ZFP90: variants seen among roughly 807,000 people sequenced by gnomAD.
ZFP90 encodes the protein ZFP90 zinc finger protein.
Under a neutral mutation model 60.8 loss-of-function variants are expected in ZFP90, and 38 were observed. The observed-to-expected ratio is 0.62, with a 90% CI of 0.48 to 0.82. The LOEUF is 0.82. Ranked by LOEUF, ZFP90 falls within the 40% of genes least tolerant of loss-of-function variation. The probability of loss-of-function intolerance (pLI) is 0.00; values close to 1 mark genes in which losing one functional copy is unlikely to be tolerated. For synonymous variants in ZFP90, 287 were observed against 264.8 expected, an observed-to-expected ratio of 1.08 and a Z score of -0.82; for missense variants, 711 against 759.1, an observed-to-expected ratio of 0.94 and a Z score of 0.74.
At chr16:68,575,644 T>G (rs111927699) in intron 2 of ZFP90, 5,888 of 383,568 alleles carry the variant, frequency 0.015, 262 homozygotes, top group African/African-American at 0.1. Context: ...TAGATGAAGG[T>G]TAGTGATCAA....
intron 2 of ZFP90, among the ~76,000 whole-genome samples, chr16:68,547,019 G>A (rs997688880): frequency 1.7e-4 from 26 of 152,166 alleles, no homozygotes; most frequent in African/African-American, 6.3e-4. Flanking sequence ...TACATGTTTA[G>A]CTATTGTGAA....
intron 4 of ZFP90, among the ~76,000 whole-genome samples, chr16:68,559,287 A>T (rs2091397005): frequency 1.3e-5 from 2 of 152,094 alleles, no homozygotes; most frequent in South Asian, 4.1e-4. Flanking sequence ...GGTTACTTTT[A>T]TCCTTCTCAG....
chr16:68,557,574 C>T (rs2152070213), intron 2 of ZFP90, among the ~76,000 whole-genome samples: 1 of 151,778 alleles, frequency 6.6e-6, no homozygotes, highest in South Asian at 2.1e-4. Flanking sequence ...GAACAAGGGA[C>T]TTTGTGTATA....
At chr16:68,536,120 G>T (rs1259280422), upstream of ZFP90, among the ~76,000 whole-genome samples, 1 of 152,172 alleles carries the variant, frequency 6.6e-6, no homozygotes, top group Non-Finnish European at 1.5e-5. Context: ...AATTCAGGTT[G>T]CTCTCCTTAC....
At chr16:68,548,663 T>A (rs1457166938) in intron 2 of ZFP90, among the ~76,000 whole-genome samples, 1 of 151,990 alleles carries the variant, frequency 6.6e-6, no homozygotes. Flanking sequence ...GCTAATTTTG[T>A]ATTTTTAGTA....
rs985930474 is a variant in ZFP90, at chr16:68,558,718, C to T, written c.256+150C>T. On this transcript the variant is annotated intron_variant, in intron 4 of 4. Coordinates refer to ENST00000563169, the MANE Select transcript of ZFP90 (RefSeq NM_001305203.2). Reference sequence around the variant, plus strand: ...CCTGGCCGACACCTTGTAGGTCTCTCTTCAAAAGGGTGCTCATGCTCTTGC... The same window carrying T: ...CCTGGCCGACACCTTGTAGGTCTCTTTTCAAAAGGGTGCTCATGCTCTTGC... 7.7e-6 allele frequency: 5 copies of T among 649,276 alleles called. No individual in the cohort carries two copies. The African/African-American group carries it at 9.1e-5, about 12-fold the overall frequency. The allele number at this position is 649,276 out of a possible 1,614,324, so 40.2% of individuals were successfully genotyped here.
At chr16:68,574,645 C>T (rs1033469169) in intron 2 of ZFP90, among the ~76,000 whole-genome samples, 9 of 152,064 alleles carry the variant, frequency 5.9e-5, no homozygotes, top group African/African-American at 1.7e-4. Context: ...ACGCGTGGAC[C>T]GGGTGTGGTG....
chr16:68,540,457 T>TTAA (rs1375561456), intron 2 of ZFP90, among the ~76,000 whole-genome samples: 26 of 152,214 alleles, frequency 1.7e-4, no homozygotes, highest in African/African-American at 6.3e-4. Context: ...AGCCTTCACC[T>TTAA]TAATGTGAGG....
rs111903238 is a variant in ZFP90, at chr16:68,565,586, A to C, written c.*888A>C. 7.1e-6 allele frequency: 7 copies of C among 985,578 alleles called. No homozygotes were observed. The African/African-American group carries it at 1.0e-4, about 15-fold the overall frequency. 61.1% of individuals were successfully genotyped at this position (985,578 alleles called of 1,614,324 possible). ...ATTATACTTTCAGCTAACATATGCC[A>C]GTTTCACAGAACTATTAAGTCCCCT... On this transcript the variant is annotated 3_prime_UTR_variant, in exon 5 of 5. Transcript: ENST00000563169.
At chr16:68,575,946 C>A (rs1409764147) in exon 3 of ZFP90, 11 of 370,828 alleles carry the variant, frequency 3.0e-5, no homozygotes, top group African/African-American at 6.5e-5. Flanking sequence ...CAAATACTGA[C>A]AAAACTGTGA....
intron 2 of ZFP90, among the ~76,000 whole-genome samples, chr16:68,541,449 AGCCACCACAGCTGGGCATGT>A (rs1203235945): frequency 6.6e-6 from 1 of 151,504 alleles, no homozygotes; most frequent in African/African-American, 2.4e-5. Flanking sequence ...TACAGGTGTG[AGCCACCACAGCTGGGCATGT>A]GCCACCATGC....
Position 68,558,119 on chromosome 16 carries a change from C to A in ZFP90, c.155C>A (p.Ser52Tyr), listed in dbSNP as rs775015845. The change falls in exon 3 of 5, where the codon TCT becomes TAT. Residue 52 changes from serine (S) to tyrosine (Y), a missense_variant. Transcript: ENST00000563169. ...CTGGAGAACTATAGCCACCTGGTTT[C>A]TCTTGGTAAGGACCACTTCTCTGAG... ...VMLENYSHLV[S>Y]LGYQVSKPEV... The A allele has an allele frequency of 5.0e-6, 8 of 1,613,676 alleles. No individual in the cohort carries two copies. The East Asian group carries it at 1.3e-4, about 27-fold the overall frequency.
intron 2 of ZFP90, among the ~76,000 whole-genome samples, chr16:68,547,799 T>G (rs2091176525): frequency 6.6e-6 from 1 of 151,936 alleles, no homozygotes; most frequent in South Asian, 2.1e-4. Context: ...TCCACTTGGT[T>G]GTAATACATA....
chr16:68,562,286 GCT>G (rs1176415451), intron 4 of ZFP90: 2 of 152,188 alleles, frequency 1.3e-5, no homozygotes, highest in African/African-American at 4.8e-5. Context: ...ACTCCAAAAA[GCT>G]CTCTGCCCTT....
upstream of ZFP90, among the ~76,000 whole-genome samples, chr16:68,538,890 A>T (rs2090983661): frequency 6.6e-6 from 1 of 152,162 alleles, no homozygotes; most frequent in Non-Finnish European, 1.5e-5. Flanking sequence ...CCTTTTGAAG[A>T]AGATGTAAAT....
chr16:68,567,221 T>C, downstream of ZFP90: 1 of 927,094 alleles, frequency 1.1e-6, no homozygotes, highest in Non-Finnish European at 1.3e-6. Context: ...GCTAAACTCA[T>C]CACAGCCAGG....
At chr16:68,561,206 CT>C (rs1176359487) in intron 4 of ZFP90, among the ~76,000 whole-genome samples, 1 of 152,210 alleles carries the variant, frequency 6.6e-6, no homozygotes, top group Non-Finnish European at 1.5e-5. Context: ...AATGCTTTAT[CT>C]TCTTAAAATT....
intron 2 of ZFP90, among the ~76,000 whole-genome samples, 200 bp downstream of exon 2, chr16:68,540,025 G>C: frequency 6.6e-6 from 1 of 152,230 alleles, no homozygotes. Context: ...GGGTAGAGAG[G>C]GCCAGTGTGG....
At chr16:68,573,196 CA>C (rs1441891613) in intron 2 of ZFP90, among the ~76,000 whole-genome samples, 4 of 152,358 alleles carry the variant, frequency 2.6e-5, no homozygotes, top group Non-Finnish European at 4.4e-5. Flanking sequence ...AAGGCTGTGT[CA>C]ATGGCTGCTC....
Sources: gnomAD v4.1 joint callset for allele counts (sites outside exome capture counted in the v4.1 genomes callset) on GRCh38, gnomAD v4.1.1 for gene constraint, MANE v1.5 for transcripts, NCBI Gene and HGNC (gene_info 2026-07-23, HGNC 2026-07-21) for gene names.